The following CPT1A variants were observed in gnomAD, a reference collection of about 807,000 sequenced individuals.
The protein encoded by CPT1A is carnitine palmitoyltransferase 1A.
Under a neutral mutation model 100.8 loss-of-function variants are expected in CPT1A, and 64 were observed. The ratio of observed to expected loss-of-function variants is 0.63; its 90% CI spans 0.52 to 0.78. The LOEUF is 0.78. Among genes scored for constraint, CPT1A ranks in the 30% least tolerant of loss-of-function variants. The probability of loss-of-function intolerance (pLI) is 0.00; values close to 1 mark genes in which losing one functional copy is unlikely to be tolerated. For synonymous variants in CPT1A, 363 were observed against 396.0 expected (o/e 0.92, Z 0.99); for missense variants, 802 against 1,034.1 (o/e 0.78, Z 3.08).
In CPT1A at chr11:68,757,071, A is replaced by G. The variant is rs1209408918; in HGVS notation, c.*573T>C. ...AAGACCTTGCATCCTGCTTGCTTCA[A>G]ATGTGGAGAGGCAAACACAGGCTAC... On this transcript the variant is annotated 3_prime_UTR_variant, in exon 19 of 19. Transcript: ENST00000265641. 1.9e-5 allele frequency: 3 copies of G among 160,584 alleles called. No individual in the cohort carries two copies. Among genetic ancestry groups the G allele is most frequent in the East Asian group, 1.8e-4 (1 of 5,586 alleles). 9.9% of individuals were successfully genotyped at this position (160,584 alleles called of 1,614,324 possible). A position where few individuals can be genotyped will look rare whatever the true frequency, so the allele number is the denominator to read the frequency against.
chr11:68,838,572 T>TTAAAAAAAAAAAA (rs1491356211), intron 1 of CPT1A, among the ~76,000 whole-genome samples: 4 of 95,514 alleles, frequency 4.2e-5, no homozygotes, highest in African/African-American at 1.5e-4. Context: ...TGCACCTTTT[T>TTAAAAAAAAAAAA]AAAAAAAAAA....
At chr11:68,814,456 G>A (rs535330017) in intron 2 of CPT1A, among the ~76,000 whole-genome samples, 3 of 151,904 alleles carry the variant, frequency 2.0e-5, no homozygotes, top group South Asian at 2.1e-4. Context: ...GCAGGCGCCC[G>A]CCACCACGCC....
At chr11:68,760,552 G>T (rs533611463) in intron 16 of CPT1A, among the ~76,000 whole-genome samples, 2 of 152,264 alleles carry the variant, frequency 1.3e-5, no homozygotes, top group South Asian at 4.1e-4. Flanking sequence ...AGTGCAGGGT[G>T]GGGGTGGGGG....
chr11:68,778,604 G>A (rs1026081911), intron 12 of CPT1A, among the ~76,000 whole-genome samples: 4 of 151,588 alleles, frequency 2.6e-5, no homozygotes, highest in Non-Finnish European at 5.9e-5. Context: ...GCTGAGGCAG[G>A]AGAATCACTT....
At chr11:68,794,932 A>G in intron 7 of CPT1A, 21 bp from the exon 8 acceptor site, 3 of 1,593,602 alleles carry the variant, frequency 1.9e-6, no homozygotes, top group Non-Finnish European at 2.6e-6. Flanking sequence ...ACAAAGGTGG[A>G]GAGAATTTGC....
Position 68,823,968 on chromosome 11 carries a change from C to T in CPT1A, c.-13-8481G>A, listed in dbSNP as rs372172275. Reference sequence around the variant, plus strand: ...AGACATAAAGATGGAAGTGACAGGCCGGGTGCGGTGGCTCACGCCTGTAAT... The same window carrying T: ...AGACATAAAGATGGAAGTGACAGGCTGGGTGCGGTGGCTCACGCCTGTAAT... On this transcript the variant is annotated intron_variant, in intron 1 of 18. Coordinates refer to ENST00000265641, the MANE Select transcript of CPT1A (RefSeq NM_001876.4). Among the ~76,000 whole-genome samples, 64 of 151,982 alleles carry T rather than the reference C, an allele frequency of 4.2e-4. No homozygotes were observed. In the South Asian group the frequency reaches 0.012, roughly 30 times the overall value.
At chr11:68,820,879 T>C (rs762478679) in intron 1 of CPT1A, among the ~76,000 whole-genome samples, 27 of 151,978 alleles carry the variant, frequency 1.8e-4, no homozygotes, top group African/African-American at 2.4e-4. Flanking sequence ...TACACATCTG[T>C]CCCCCGGAAT....
chr11:68,825,992 C>T (rs1481257417), intron 1 of CPT1A, among the ~76,000 whole-genome samples: 1 of 152,186 alleles, frequency 6.6e-6, no homozygotes, highest in African/African-American at 2.4e-5. Flanking sequence ...GCAGAGGGTT[C>T]CTAATGTCTC....
intron 10 of CPT1A, among the ~76,000 whole-genome samples, chr11:68,783,762 C>T (rs1855378283): frequency 6.6e-6 from 1 of 152,208 alleles, no homozygotes; most frequent in Non-Finnish European, 1.5e-5. Context: ...CAGGGCAGTG[C>T]CCCCCACAAA....
At chr11:68,811,483 C>T (rs1456864924) in intron 3 of CPT1A, among the ~76,000 whole-genome samples, 5 of 151,994 alleles carry the variant, frequency 3.3e-5, no homozygotes, top group Admixed American at 6.6e-5. Flanking sequence ...ACTGTCTGGA[C>T]GTTCAAATGG....
intron 1 of CPT1A, among the ~76,000 whole-genome samples, 178 bp from the exon 2 acceptor site, chr11:68,815,665 C>A (rs1220996775): frequency 6.6e-6 from 1 of 152,216 alleles, no homozygotes; most frequent in Non-Finnish European, 1.5e-5. Flanking sequence ...TGCCTGTCCA[C>A]CGCTACAAAG....
chr11:68,827,798 A>G (rs2154002329), intron 1 of CPT1A, among the ~76,000 whole-genome samples: 1 of 152,302 alleles, frequency 6.6e-6, no homozygotes, highest in Non-Finnish European at 1.5e-5. Flanking sequence ...TGCGAGGCAC[A>G]CACAAATGCT....
chr11:68,759,608 G>C lies in CPT1A; in HGVS notation c.2196C>G (p.Ile732Met). The C allele has an allele frequency of 1.2e-6, 2 of 1,613,800 alleles. No individual in the cohort carries two copies. Among genetic ancestry groups the C allele is most frequent in the Non-Finnish European group, 1.7e-6 (2 of 1,179,730 alleles). ...VSYILVGENLINFHISSKFSC... is the reference protein window; with the variant it reads ...VSYILVGENLMNFHISSKFSC... ...AGAACTTGGAAGAAATGTGGAAATT[G>C]ATGAGGTTCTCTCCCACAAGGATGT... The change falls in exon 18 of 19, where the codon ATC becomes ATG. Residue 732 changes from isoleucine to methionine, a missense_variant. Physicochemically the swap from Ile to Met is conservative, Grantham distance 10. Coordinates refer to ENST00000265641, the MANE Select transcript of CPT1A (RefSeq NM_001876.4).
In CPT1A at chr11:68,804,088, A is replaced by T. The variant is rs777998440; in HGVS notation, c.467T>A (p.Ile156Asn). ...ATKIWMGMVK[I>N]FSGRKPMLYS... ...CAACATGGGTTTTCGGCCTGAAAAGATCTTGACCATACCCTGAAGAGAGAG... is the reference window on the plus strand; with the variant it reads ...CAACATGGGTTTTCGGCCTGAAAAGTTCTTGACCATACCCTGAAGAGAGAG... Residue 156 changes from isoleucine to asparagine, a missense_variant, in exon 5 of 19, where the codon ATC (isoleucine) becomes AAC (asparagine). Ile to Asn is a moderately radical substitution (Grantham distance 149, BLOSUM62 -3). Transcript: ENST00000265641. 1 of 1,613,360 alleles carries T rather than the reference A, an allele frequency of 6.2e-7. No individual in the cohort carries two copies. Among genetic ancestry groups the T allele is most frequent in the Non-Finnish European group, 8.5e-7 (1 of 1,179,292 alleles).
At chr11:68,770,944 T>G (rs1241144715) in intron 14 of CPT1A, among the ~76,000 whole-genome samples, 1 of 152,212 alleles carries the variant, frequency 6.6e-6, no homozygotes, top group Non-Finnish European at 1.5e-5. Context: ...GCAAGATGCT[T>G]CACCTCCGAG....
intron 9 of CPT1A, among the ~76,000 whole-genome samples, chr11:68,786,464 C>A (rs1171662153): frequency 6.6e-6 from 1 of 152,212 alleles, no homozygotes; most frequent in Non-Finnish European, 1.5e-5. Flanking sequence ...CTTCCACCCC[C>A]ACTAAGGAAG....
intron 1 of CPT1A, among the ~76,000 whole-genome samples, chr11:68,839,076 ATTC>A (rs568962082): frequency 1.2e-3 from 180 of 152,242 alleles, no homozygotes; most frequent in African/African-American, 4.2e-3. Context: ...TAAAGCACCA[ATTC>A]TTCCGGAATT....
rs114558433 is a variant in CPT1A at position 68,764,387 on chromosome 11, C to G, written c.1741-1626G>C. Reference sequence around the variant, plus strand: ...CCAGGGTGGCAGACCCACCCATCTGCAAAGGACACCATGTGGCAGGCTGAT... The same window carrying G: ...CCAGGGTGGCAGACCCACCCATCTGGAAAGGACACCATGTGGCAGGCTGAT... On this transcript the variant is annotated intron_variant, in intron 14 of 18. Coordinates refer to ENST00000265641, the MANE Select transcript of CPT1A (RefSeq NM_001876.4). Among the ~76,000 whole-genome samples, 992 of 152,298 alleles carry G rather than the reference C, an allele frequency of 6.5e-3. 10 individuals carry two copies. The highest frequency in any genetic ancestry group is 0.022 in the African/African-American group (934 of 41,558).
chr11:68,760,069 C>T (rs1946773848), intron 17 of CPT1A, among the ~76,000 whole-genome samples, 156 bp downstream of exon 17: 1 of 152,086 alleles, frequency 6.6e-6, no homozygotes, highest in Non-Finnish European at 1.5e-5. Flanking sequence ...TGCAAGACTG[C>T]CAAGGACATC....
Sources: allele counts gnomAD v4.1 joint callset (sites outside exome capture counted in the v4.1 genomes callset), GRCh38; gene constraint gnomAD v4.1.1; transcripts MANE v1.5; gene names NCBI Gene and HGNC (gene_info 2026-07-23, HGNC 2026-07-21).